Variants in TBC1D8 observed in about 807,000 individuals in gnomAD.
The protein encoded by TBC1D8 is BUB2-like protein 1.
A neutral mutation model predicts 118.8 loss-of-function variants in TBC1D8; 65 were observed. The observed-to-expected ratio is 0.55, with a 90% confidence interval of 0.45 to 0.67. The LOEUF (loss-of-function observed/expected upper bound fraction) is 0.67, where lower values mean the gene tolerates loss of function less well. TBC1D8 is among the 30% of genes least tolerant of loss of function. The pLI is 0.00. For missense variants in TBC1D8, 1,376 were observed against 1,471.2 expected (o/e 0.94, Z 1.06); for synonymous variants, 566 against 595.8 (o/e 0.95, Z 0.73).
At position 101,033,718 on chromosome 2, in the gene TBC1D8, C is replaced by T; in HGVS notation, c.1644G>A (p.Gly548=). The change falls in exon 10 of 20, where the codon GGG becomes GGA. Residue 548 remains glycine (G), a synonymous_variant. Coordinates refer to ENST00000409318, the MANE Select transcript of TBC1D8 (RefSeq NM_001330348.2). ...TCCCCAGGGACTCCTCCACCAGATT[C>T]CCGTAGTAACCAGGGTGTGAGGCAA... ...TDLASHPGYY[G]NLVEESLGKC... is the part of the protein sequence containing the mutation. 3 of 1,613,912 alleles carry T rather than the reference C, an allele frequency of 1.9e-6. No individual in the cohort carries two copies. Among genetic ancestry groups the T allele is most frequent in the Non-Finnish European group, 2.5e-6 (3 of 1,179,840 alleles).
intron 1 of TBC1D8, among the ~76,000 whole-genome samples, chr2:101,118,436 C>A (rs559976053): frequency 2.6e-5 from 4 of 152,170 alleles, no homozygotes; most frequent in African/African-American, 9.7e-5. Flanking sequence ...GTGGCTCATG[C>A]CTGTAATCCC....
At chr2:101,065,399 C>T (rs1682962603) in intron 2 of TBC1D8, among the ~76,000 whole-genome samples, 1 of 152,104 alleles carries the variant, frequency 6.6e-6, no homozygotes, top group African/African-American at 2.4e-5. Flanking sequence ...AATGTCATTC[C>T]CAAATCTCAC....
intron 1 of TBC1D8, among the ~76,000 whole-genome samples, chr2:101,092,834 A>C (rs116290895): frequency 1.1e-4 from 16 of 152,240 alleles, no homozygotes; most frequent in African/African-American, 3.9e-4. Flanking sequence ...AGGTGTGCTC[A>C]TTGCTAATGG....
chr2:101,052,200 C>T (rs1030319149), intron 4 of TBC1D8, among the ~76,000 whole-genome samples: 6 of 152,110 alleles, frequency 3.9e-5, no homozygotes, highest in African/African-American at 1.4e-4. Flanking sequence ...TAACATTTAG[C>T]CTGTGTCAAT....
intron 17 of TBC1D8, among the ~76,000 whole-genome samples, chr2:101,015,880 C>A (rs1679595721): frequency 6.6e-6 from 1 of 152,044 alleles, no homozygotes; most frequent in Non-Finnish European, 1.5e-5. Flanking sequence ...ATGTAGAAAG[C>A]TGAAACTGGA....
At position 101,134,719 on chromosome 2, in the gene TBC1D8, C is replaced by T. The variant is rs1678762304; in HGVS notation, c.127+16408G>A. 2.0e-5 allele frequency among the ~76,000 whole-genome samples: 3 copies of T among 152,308 alleles called. No homozygotes were observed. The South Asian group carries it at 6.2e-4, about 32-fold the overall frequency. ...AACCTTAGTTACCTCCCTGCAGGCA[C>T]TATCTTCAAATATAGTCACACTGGA... On this transcript the variant is annotated intron_variant, in intron 1 of 19. Transcript: ENST00000409318.
At chr2:101,061,199 A>G (rs930004562) in intron 2 of TBC1D8, among the ~76,000 whole-genome samples, 42 of 151,026 alleles carry the variant, frequency 2.8e-4, no homozygotes, top group Non-Finnish European at 5.3e-4. Flanking sequence ...AAAAAAAAAA[A>G]AAAAAAAAAA....
intron 2 of TBC1D8, among the ~76,000 whole-genome samples, chr2:101,086,964 A>G (rs1675675005): frequency 6.6e-6 from 1 of 151,954 alleles, no homozygotes; most frequent in Non-Finnish European, 1.5e-5. Flanking sequence ...CTGTACTTTT[A>G]GTAGAGATGG....
intron 1 of TBC1D8, among the ~76,000 whole-genome samples, chr2:101,102,609 G>A (rs191380544): frequency 2.0e-5 from 3 of 151,648 alleles, no homozygotes; most frequent in Non-Finnish European, 2.9e-5. Context: ...ACTCACATAG[G>A]TTAAAAGTAA....
intron 19 of TBC1D8, among the ~76,000 whole-genome samples, 174 bp downstream of exon 19, chr2:101,010,755 G>A (rs1679141685): frequency 6.6e-6 from 1 of 151,780 alleles, no homozygotes; most frequent in Non-Finnish European, 1.5e-5. Flanking sequence ...GGTTGCACAC[G>A]CCTGTAATCC....
intron 2 of TBC1D8, 113 bp from the exon 3 acceptor site, chr2:101,059,652 T>C: frequency 1.1e-6 from 1 of 947,122 alleles, no homozygotes; most frequent in South Asian, 1.6e-5. Flanking sequence ...TTAAAACATC[T>C]GGCCTTGGCC....
At chr2:101,148,642 TCTC>T (rs1366317188) in intron 1 of TBC1D8, among the ~76,000 whole-genome samples, 1 of 152,222 alleles carries the variant, frequency 6.6e-6, no homozygotes, top group East Asian at 1.9e-4. Flanking sequence ...AACCACCAGA[TCTC>T]CTCTGTCTAA....
At chr2:101,130,985 T>C (rs576856077) in intron 1 of TBC1D8, among the ~76,000 whole-genome samples, 26 of 152,344 alleles carry the variant, frequency 1.7e-4, no homozygotes, top group Admixed American at 1.1e-3. Context: ...GATACCCTCA[T>C]ACACATCAAA....
chr2:101,097,508 T>C (rs1469259261), intron 1 of TBC1D8, among the ~76,000 whole-genome samples: 1 of 151,380 alleles, frequency 6.6e-6, no homozygotes, highest in Admixed American at 6.6e-5. Context: ...ACATGAATAA[T>C]AGTAAAGTCA....
At chr2:101,055,452 T>G (rs549664053) in intron 3 of TBC1D8, among the ~76,000 whole-genome samples, 29 of 152,284 alleles carry the variant, frequency 1.9e-4, no homozygotes, top group African/African-American at 5.5e-4. Flanking sequence ...AATGTTGGTA[T>G]TTAAGGCTAC....
chr2:101,055,388 A>C (rs931919995), intron 3 of TBC1D8, among the ~76,000 whole-genome samples: 3 of 152,014 alleles, frequency 2.0e-5, no homozygotes, highest in Non-Finnish European at 4.4e-5. Flanking sequence ...TCAAAAAAAA[A>C]AAAAGTTAGT....
At chr2:101,122,380 T>C (rs1445324615) in intron 1 of TBC1D8, among the ~76,000 whole-genome samples, 3 of 61,986 alleles carry the variant, frequency 4.8e-5, no homozygotes, top group African/African-American at 6.3e-5. Flanking sequence ...CAAGACTCCA[T>C]TTCAAAAAAA....
intron 1 of TBC1D8, among the ~76,000 whole-genome samples, chr2:101,120,168 AG>A (rs1257680217): frequency 6.6e-6 from 1 of 152,174 alleles, no homozygotes; most frequent in African/African-American, 2.4e-5. Flanking sequence ...GACAGAGAGC[AG>A]CTTGAAGACC....
intron 18 of TBC1D8, 45 bp from the exon 19 acceptor site, chr2:101,011,071 C>A (rs1376656538): frequency 3.2e-6 from 5 of 1,576,954 alleles, no homozygotes; most frequent in Admixed American, 1.7e-5. Flanking sequence ...TAAATAAATT[C>A]AGTGACAGCA....
Sources: allele counts gnomAD v4.1 joint callset (sites outside exome capture counted in the v4.1 genomes callset), GRCh38; gene constraint gnomAD v4.1.1; transcripts MANE v1.5; gene names NCBI Gene and HGNC (gene_info 2026-07-23, HGNC 2026-07-21).